The following PDE4D variants were observed in gnomAD, a reference collection of about 807,000 sequenced individuals.
The protein encoded by PDE4D is phosphodiesterase 4D.
In PDE4D, 24 loss-of-function variants were observed where a neutral mutation model predicts 87.4. That is an observed-to-expected ratio of 0.27 (90% confidence interval 0.20 to 0.39). PDE4D has a LOEUF of 0.39. Among genes scored for constraint, PDE4D ranks in the 10% least tolerant of loss-of-function variants. The pLI is 1.00. For synonymous variants in PDE4D, 384 were observed against 383.2 expected, an observed-to-expected ratio of 1.00 and a Z score of -0.02; for missense variants, 714 against 1,041.0, an observed-to-expected ratio of 0.69 and a Z score of 4.32.
intron 1 of PDE4D, among the ~76,000 whole-genome samples, chr5:60,393,611 T>C (rs1313084607): frequency 6.6e-6 from 1 of 152,238 alleles, no homozygotes; most frequent in Non-Finnish European, 1.5e-5. Flanking sequence ...ATGTGAATTT[T>C]GCCAGCAACA....
chr5:60,480,195 C>A (rs886988440), intron 1 of PDE4D, among the ~76,000 whole-genome samples: 1 of 152,108 alleles, frequency 6.6e-6, no homozygotes, highest in Non-Finnish European at 1.5e-5. Flanking sequence ...ATACAGGGAT[C>A]CTTTTGTAAA....
At chr5:59,806,040 T>C (rs1238372180) in intron 1 of PDE4D, among the ~76,000 whole-genome samples, 2 of 152,190 alleles carry the variant, frequency 1.3e-5, no homozygotes, top group Admixed American at 1.3e-4. Context: ...ATCTCCTTCC[T>C]TTTCATCAAA....
At chr5:59,163,389 A>C (rs765293505) in intron 5 of PDE4D, among the ~76,000 whole-genome samples, 7 of 150,868 alleles carry the variant, frequency 4.6e-5, no homozygotes, top group Non-Finnish European at 1.0e-4. Flanking sequence ...CTCCTGCCTC[A>C]GTCTCCCGAG....
intron 1 of PDE4D, among the ~76,000 whole-genome samples, chr5:60,319,103 C>T (rs886425952): frequency 5.3e-5 from 8 of 152,156 alleles, no homozygotes; most frequent in Non-Finnish European, 1.0e-4. Context: ...TCCATTCTCC[C>T]CATCACTTTC....
At chr5:59,086,584 G>T (rs1487983506) in intron 5 of PDE4D, among the ~76,000 whole-genome samples, 1 of 152,040 alleles carries the variant, frequency 6.6e-6, no homozygotes, top group Non-Finnish European at 1.5e-5. Context: ...CCATTGTGCT[G>T]AAAACCCCAG....
chr5:59,015,436 A>G (rs974804707), intron 6 of PDE4D, among the ~76,000 whole-genome samples: 3 of 152,194 alleles, frequency 2.0e-5, no homozygotes, highest in African/African-American at 7.2e-5. Flanking sequence ...AGAAAAAATC[A>G]AACAACCCCA....
rs549889262 is a variant in PDE4D at position 59,238,241 on chromosome 5, G to C, written c.456-22273C>G. ...TTGGGGCTATTACTTATGTTATGGG[G>C]GCACAAAACTAATAATAGGCATGGT... On this transcript the variant is annotated intron_variant, in intron 1 of 14. Transcript: ENST00000340635. 1.5e-4 allele frequency among the ~76,000 whole-genome samples: 23 copies of C among 152,196 alleles called. No homozygotes were observed. In the South Asian group the frequency reaches 3.7e-3, roughly 25 times the overall value.
rs201819994 is a variant in PDE4D at position 59,429,730 on chromosome 5, CTA to C, written c.456-213764_456-213763del. On this transcript the variant is annotated intron_variant, in intron 1 of 14. Coordinates refer to ENST00000340635, the MANE Select transcript of PDE4D (RefSeq NM_001104631.2). Reference sequence around the variant, plus strand: ...GGTGACTTTTGGACATATTAGTTAACTATATCATCGCTATTCTGATACTACAT... The same window carrying C: ...GGTGACTTTTGGACATATTAGTTAACTATCATCGCTATTCTGATACTACAT... 7.6e-3 allele frequency among the ~76,000 whole-genome samples: 1,164 copies of C among 152,188 alleles called. 23 individuals are homozygous for C. Among genetic ancestry groups the C allele is most frequent in the African/African-American group, 0.027 (1,113 of 41,518 alleles).
At chr5:60,493,606 A>G (rs539249167) in intron 1 of PDE4D, among the ~76,000 whole-genome samples, 11 of 152,042 alleles carry the variant, frequency 7.2e-5, no homozygotes, top group African/African-American at 2.7e-4. Flanking sequence ...TCATTCATTC[A>G]TTCATTCATT....
intron 1 of PDE4D, among the ~76,000 whole-genome samples, chr5:60,253,825 C>T (rs761952365): frequency 9.9e-5 from 15 of 151,770 alleles, no homozygotes; most frequent in African/African-American, 2.7e-4. Context: ...ATGGGACTGT[C>T]GGTATTTCAG....
At chr5:59,017,584 C>T (rs185706543) in intron 6 of PDE4D, among the ~76,000 whole-genome samples, 1 of 152,270 alleles carries the variant, frequency 6.6e-6, no homozygotes, top group East Asian at 1.9e-4. Context: ...AGCTGCCAGA[C>T]AGTTGAGTTT....
At chr5:59,176,165 A>G (rs1274152032) in intron 5 of PDE4D, among the ~76,000 whole-genome samples, 1 of 152,214 alleles carries the variant, frequency 6.6e-6, no homozygotes, top group Non-Finnish European at 1.5e-5. Context: ...TTGTTAGATC[A>G]TTTTAGACCT....
intron 1 of PDE4D, chr5:59,587,456 C>T: frequency 1.0e-6 from 1 of 985,408 alleles, no homozygotes; most frequent in Non-Finnish European, 1.2e-6. Context: ...ACAGACCTTG[C>T]ATGCTTTTAA....
chr5:60,471,097 G>A (rs7700547), intron 1 of PDE4D, among the ~76,000 whole-genome samples: 4,164 of 152,220 alleles, frequency 0.027, 89 homozygotes, highest in Middle Eastern at 0.088. Flanking sequence ...ATGGGAGGAG[G>A]CCAAAATGCC....
At chr5:59,200,147 GTA>G (rs1746716569) in intron 2 of PDE4D, among the ~76,000 whole-genome samples, 2 of 41,018 alleles carry the variant, frequency 4.9e-5, no homozygotes, top group African/African-American at 1.2e-4. Context: ...GTATGTACAC[GTA>G]TATGTATATA....
rs1743116991 is a variant in PDE4D at position 58,973,961 on chromosome 5, T to A, written c.*703A>T. On this transcript the variant is annotated 3_prime_UTR_variant, in exon 15 of 15. Coordinates refer to ENST00000340635, the MANE Select transcript of PDE4D (RefSeq NM_001104631.2). ...GATTTTTATCCAGTGTAGCACAGATTTGTACTGAAAACTTGCAAGTTACTC... is the reference window on the plus strand; with the variant it reads ...GATTTTTATCCAGTGTAGCACAGATATGTACTGAAAACTTGCAAGTTACTC... The A allele has an allele frequency of 6.6e-6, 1 of 152,610 alleles. No homozygotes were observed. The highest frequency in any genetic ancestry group is 2.1e-4 in the South Asian group (1 of 4,826). 9.5% of individuals were successfully genotyped at this position (152,610 alleles called of 1,614,324 possible).
At chr5:60,032,605 G>C (rs930314484) in intron 2 of PDE4D, among the ~76,000 whole-genome samples, 3 of 152,064 alleles carry the variant, frequency 2.0e-5, no homozygotes, top group Non-Finnish European at 4.4e-5. Flanking sequence ...CCTTTTCTAG[G>C]AAAGTTATGA....
chr5:59,345,922 A>G (rs1309052706), intron 1 of PDE4D, among the ~76,000 whole-genome samples: 4 of 152,186 alleles, frequency 2.6e-5, no homozygotes, highest in Admixed American at 2.6e-4. Flanking sequence ...TATATCCAAT[A>G]ATGTTCATAA....
chr5:59,930,491 C>A (rs1189081925), intron 3 of PDE4D, among the ~76,000 whole-genome samples: 3 of 152,180 alleles, frequency 2.0e-5, no homozygotes, highest in Non-Finnish European at 4.4e-5. Flanking sequence ...GGAAAGGACT[C>A]TTTCCTAAAG....
Sources: gnomAD v4.1 joint callset for allele counts (sites outside exome capture counted in the v4.1 genomes callset) on GRCh38, gnomAD v4.1.1 for gene constraint, MANE v1.5 for transcripts, NCBI Gene and HGNC (gene_info 2026-07-23, HGNC 2026-07-21) for gene names.